NAALADL2: variants seen among roughly 807,000 people sequenced by gnomAD.
NAALADL2 encodes the protein inactive N-acetylated-alpha-linked acidic dipeptidase-like protein 2.
A neutral mutation model predicts 87.2 loss-of-function variants in NAALADL2; 76 were observed. The observed-to-expected ratio is 0.87, with a 90% confidence interval of 0.72 to 1.05. NAALADL2 has a LOEUF of 1.05. NAALADL2 is among the 50% of genes least tolerant of loss of function. The pLI is 0.00. For synonymous variants in NAALADL2, 354 were observed against 331.0 expected (o/e 1.07, Z -0.75); for missense variants, 1,089 against 945.8 (o/e 1.15, Z -1.99).
intron 10 of NAALADL2, among the ~76,000 whole-genome samples, chr3:175,620,049 G>A (rs982313277): frequency 1.3e-5 from 2 of 149,518 alleles, no homozygotes; most frequent in African/African-American, 4.9e-5. Context: ...TGGCTTACAG[G>A]GGCGAGAATT....
intron 1 of NAALADL2, among the ~76,000 whole-genome samples, chr3:174,486,099 A>G (rs961907856): frequency 2.0e-5 from 3 of 152,016 alleles, no homozygotes; most frequent in Non-Finnish European, 4.4e-5. Context: ...TAAGTGGGAT[A>G]GGATGCCTGG....
At chr3:175,395,734 T>A (rs1348980589) in intron 5 of NAALADL2, among the ~76,000 whole-genome samples, 2 of 152,250 alleles carry the variant, frequency 1.3e-5, no homozygotes, top group African/African-American at 4.8e-5. Flanking sequence ...ATACTCATGA[T>A]AATAATGATA....
rs531247618 is a variant in NAALADL2 at position 175,034,527 on chromosome 3, A to G, written c.44-62263A>G. ...TTTATTTCAAGTCTCTACTCAAATG[A>G]CATCTTATCAAAGAGACTTCCCCTG... On this transcript the variant is annotated intron_variant, in intron 1 of 13. Transcript: ENST00000454872. Among the ~76,000 whole-genome samples, 89 of 152,246 alleles carry G rather than the reference A, an allele frequency of 5.8e-4. 1 individual carries two copies. Among genetic ancestry groups the G allele is most frequent in the African/African-American group, 1.9e-3 (78 of 41,554 alleles).
chr3:175,724,441 G>GT (rs1165803512), intron 11 of NAALADL2, among the ~76,000 whole-genome samples: 5 of 152,098 alleles, frequency 3.3e-5, no homozygotes, highest in Admixed American at 2.0e-4. Context: ...GAAAGTTACT[G>GT]TAAGAACCTT....
chr3:175,018,149 G>T (rs541088238), intron 1 of NAALADL2, among the ~76,000 whole-genome samples: 1 of 152,046 alleles, frequency 6.6e-6, no homozygotes, highest in African/African-American at 2.4e-5. Context: ...ATTTCCATTT[G>T]CAGTAAAGAT....
intron 1 of NAALADL2, among the ~76,000 whole-genome samples, chr3:174,960,641 G>T (rs553277766): frequency 1.3e-5 from 2 of 152,138 alleles, no homozygotes; most frequent in African/African-American, 4.8e-5. Context: ...ATAATAGCCT[G>T]TGTATAGGCA....
chr3:175,737,714 G>GTTTTTTTTTTTTT (rs71164650), intron 12 of NAALADL2, among the ~76,000 whole-genome samples: 11 of 54,760 alleles, frequency 2.0e-4, no homozygotes, highest in African/African-American at 5.8e-4. Context: ...CAATGATCCA[G>GTTTTTTTTTTTTT]TTTTTTTTTT....
upstream of NAALADL2, among the ~76,000 whole-genome samples, chr3:174,857,502 A>G (rs1725987085): frequency 6.6e-6 from 1 of 152,106 alleles, no homozygotes; most frequent in Non-Finnish European, 1.5e-5. Context: ...TTATTGACTA[A>G]TTTCAGTGCC....
chr3:175,103,764 C>G (rs1722635236), intron 2 of NAALADL2, among the ~76,000 whole-genome samples: 1 of 152,120 alleles, frequency 6.6e-6, no homozygotes, highest in Non-Finnish European at 1.5e-5. Flanking sequence ...GGACAACTAT[C>G]AACAGCAAGA....
At chr3:174,681,352 T>C (rs373402557) in intron 2 of NAALADL2, among the ~76,000 whole-genome samples, 1 of 152,116 alleles carries the variant, frequency 6.6e-6, no homozygotes, top group Non-Finnish European at 1.5e-5. Context: ...TAGTGAGACG[T>C]CAGCTGGGGT....
intron 4 of NAALADL2, among the ~76,000 whole-genome samples, chr3:175,306,787 A>G (rs1757779128): frequency 6.6e-6 from 1 of 152,182 alleles, no homozygotes; most frequent in South Asian, 2.1e-4. Flanking sequence ...AGGAGGTTGC[A>G]GTGAGCCAAG....
intron 2 of NAALADL2, among the ~76,000 whole-genome samples, chr3:174,599,700 A>G (rs1337887378): frequency 6.6e-6 from 1 of 152,014 alleles, no homozygotes; most frequent in Non-Finnish European, 1.5e-5. Flanking sequence ...TTCTTATGCC[A>G]TTTATGCATT....
chr3:175,437,611 A>T (rs1656033864), intron 5 of NAALADL2, among the ~76,000 whole-genome samples: 1 of 149,848 alleles, frequency 6.7e-6, no homozygotes, highest in Admixed American at 6.7e-5. Flanking sequence ...TTTAAAGTTC[A>T]TATGGAACCA....
At chr3:175,360,824 GTA>G (rs58323897) in intron 5 of NAALADL2, among the ~76,000 whole-genome samples, 22,708 of 80,224 alleles carry the variant, frequency 0.28, 1,848 homozygotes, top group East Asian at 0.36. Context: ...GTGTGTGTGT[GTA>G]TGTGTGTGTG....
chr3:175,382,345 T>C (rs1335088217), intron 5 of NAALADL2, among the ~76,000 whole-genome samples: 1 of 152,120 alleles, frequency 6.6e-6, no homozygotes, highest in East Asian at 1.9e-4. Context: ...CTCATGCTTG[T>C]GAAATAAATA....
rs1345533791 is a variant in NAALADL2, at chr3:175,119,306, C to A, written c.545+22015C>A. Among the ~76,000 whole-genome samples, 4 of 151,498 alleles carry A rather than the reference C, an allele frequency of 2.6e-5. No individual in the cohort carries two copies. The East Asian group carries it at 7.8e-4, about 29-fold the overall frequency. ...AAACTAATAAAAAAGCTTTAATGAA[C>A]AGGGGTGAATTTACAGAAGGATAAT... On this transcript the variant is annotated intron_variant, in intron 2 of 13. Coordinates refer to ENST00000454872, the MANE Select transcript of NAALADL2 (RefSeq NM_207015.3).
intron 1 of NAALADL2, among the ~76,000 whole-genome samples, chr3:174,965,635 AG>A (rs1372399810): frequency 6.6e-6 from 1 of 152,126 alleles, no homozygotes; most frequent in African/African-American, 2.4e-5. Context: ...GCTTATATGA[AG>A]GAAAAAAACA....
intron 3 of NAALADL2, among the ~76,000 whole-genome samples, chr3:174,773,817 AC>A (rs1714874774): frequency 6.6e-6 from 1 of 152,158 alleles, no homozygotes; most frequent in South Asian, 2.1e-4. Flanking sequence ...AAATAGTCCA[AC>A]AATGATTGTC....
At chr3:174,746,907 C>T (rs1172497626) in intron 3 of NAALADL2, among the ~76,000 whole-genome samples, 2 of 152,124 alleles carry the variant, frequency 1.3e-5, no homozygotes, top group African/African-American at 4.8e-5. Flanking sequence ...CCCTTCCTTA[C>T]AGCTTATACA....
Sources: gnomAD v4.1 joint callset for allele counts (sites outside exome capture counted in the v4.1 genomes callset) on GRCh38, gnomAD v4.1.1 for gene constraint, MANE v1.5 for transcripts, NCBI Gene and HGNC (gene_info 2026-07-23, HGNC 2026-07-21) for gene names.